PTPRA: variants seen among roughly 807,000 people sequenced by gnomAD.
PTPRA encodes the protein protein tyrosine phosphatase receptor type A.
A neutral mutation model predicts 104.8 loss-of-function variants in PTPRA; 25 were observed. That is an observed-to-expected ratio of 0.24 (90% CI 0.17 to 0.33). The LOEUF is 0.33. PTPRA is among the 10% of genes least tolerant of loss of function. The pLI is 1.00. For synonymous variants in PTPRA, 323 were observed against 368.9 expected, an observed-to-expected ratio of 0.88 and a Z score of 1.43; for missense variants, 765 against 1,015.3, an observed-to-expected ratio of 0.75 and a Z score of 3.35.
chr20:2,973,062 C>A (rs1470517897), intron 5 of PTPRA, among the ~76,000 whole-genome samples: 1 of 151,728 alleles, frequency 6.6e-6, no homozygotes, highest in Non-Finnish European at 1.5e-5. Context: ...AGGAAAAGTT[C>A]TCCCTTGTGA....
chr20:3,002,566 A>T (rs1357318326), intron 9 of PTPRA, among the ~76,000 whole-genome samples: 1 of 152,044 alleles, frequency 6.6e-6, no homozygotes, highest in East Asian at 1.9e-4. Context: ...ACCTCAAATG[A>T]TCCACCCGCC....
At chr20:2,979,435 T>C (rs1348249090) in intron 6 of PTPRA, among the ~76,000 whole-genome samples, 1 of 152,222 alleles carries the variant, frequency 6.6e-6, no homozygotes, top group Non-Finnish European at 1.5e-5. Flanking sequence ...TCATCTCTTA[T>C]TGCTCTGTGT....
intron 14 of PTPRA, 93 bp downstream of exon 14, chr20:3,021,521 T>G: frequency 6.6e-7 from 1 of 1,509,122 alleles, no homozygotes. Context: ...GGTCAGGAGT[T>G]GCTGAGTATG....
chr20:3,021,395 G>C lies in PTPRA; in HGVS notation c.1128G>C (p.Val376=), dbSNP rs774135755. Residue 376 remains valine (V), a synonymous_variant, in exon 14 of 24, where the codon GTG becomes GTC. Transcript: ENST00000399903. ...CTGTAGAGGATGTGACTGTCCTGGTGGACTACACAGTACGGAAGTTCTGCA... is the reference window on the plus strand; with the variant it reads ...CTGTAGAGGATGTGACTGTCCTGGTCGACTACACAGTACGGAAGTTCTGCA... ...RVSVEDVTVL[V]DYTVRKFCIQ... is the part of the protein sequence containing the mutation. 6.2e-7 allele frequency: 1 copy of C among 1,614,072 alleles called. No individual in the cohort carries two copies. Among genetic ancestry groups the C allele is most frequent in the Non-Finnish European group, 8.5e-7 (1 of 1,179,958 alleles).
intron 1 of PTPRA, among the ~76,000 whole-genome samples, chr20:2,905,156 C>T (rs890870808): frequency 6.6e-6 from 1 of 152,116 alleles, no homozygotes; most frequent in African/African-American, 2.4e-5. Context: ...GAATCTAATG[C>T]CTGATGATCT....
chr20:2,979,240 T>C (rs2062569984), intron 6 of PTPRA, among the ~76,000 whole-genome samples: 1 of 152,194 alleles, frequency 6.6e-6, no homozygotes, highest in South Asian at 2.1e-4. Flanking sequence ...TACATCTAGG[T>C]GTAAAGATTT....
intron 2 of PTPRA, among the ~76,000 whole-genome samples, chr20:2,926,575 G>T (rs2060302728): frequency 6.6e-6 from 1 of 151,952 alleles, no homozygotes; most frequent in African/African-American, 2.4e-5. Context: ...ACTGAGTAGG[G>T]GGTTACAATT....
intron 2 of PTPRA, among the ~76,000 whole-genome samples, chr20:2,939,969 G>C (rs563487936): frequency 1.2e-4 from 19 of 152,206 alleles, no homozygotes; most frequent in Admixed American, 5.9e-4. Context: ...AATTAGCCGG[G>C]CATGGTGGGG....
In PTPRA at chr20:2,950,466, G is replaced by A. The variant is rs6138960; in HGVS notation, c.-7+2442G>A. On this transcript the variant is annotated intron_variant, in intron 3 of 23. Coordinates refer to ENST00000399903, the MANE Select transcript of PTPRA (RefSeq NM_001385305.1). The surrounding 1 kb of genome is among the most constrained non-coding windows in gnomAD (Gnocchi z 4.0). ...ATCCTGGCCATCATGGTGAAACCCC[G>A]TCTCTACTAAAAATACAAAAAAAAA... Among the ~76,000 whole-genome samples, 2,325 of 151,476 alleles carry A rather than the reference G, an allele frequency of 0.015. 121 individuals carry two copies. The highest frequency in any genetic ancestry group is 0.09 in the Admixed American group (1,366 of 15,192).
intron 2 of PTPRA, among the ~76,000 whole-genome samples, chr20:2,945,035 T>C (rs1568663865): frequency 6.6e-6 from 1 of 152,210 alleles, no homozygotes; most frequent in Non-Finnish European, 1.5e-5. Context: ...TTACCTTCTC[T>C]TTGGTATTTT....
chr20:2,884,789 C>CT (rs2090276316), intron 1 of PTPRA, among the ~76,000 whole-genome samples: 1 of 148,938 alleles, frequency 6.7e-6, no homozygotes, highest in African/African-American at 2.5e-5. Flanking sequence ...AATGGTAACT[C>CT]TCTGGTTTTT....
At chr20:2,927,043 G>A (rs542373550) in intron 2 of PTPRA, among the ~76,000 whole-genome samples, 18 of 151,306 alleles carry the variant, frequency 1.2e-4, no homozygotes, top group South Asian at 2.1e-4. Context: ...CGCCCGCCTC[G>A]GCCTCCCAAA....
chr20:2,885,118 T>C (rs916715328), intron 1 of PTPRA, among the ~76,000 whole-genome samples: 2 of 152,186 alleles, frequency 1.3e-5, no homozygotes, highest in Non-Finnish European at 2.9e-5. Flanking sequence ...CCACTGACTT[T>C]GTTGAGGAAC....
At chr20:2,961,916 A>T (rs2061769130) in intron 3 of PTPRA, among the ~76,000 whole-genome samples, 1 of 152,068 alleles carries the variant, frequency 6.6e-6, no homozygotes, top group Admixed American at 6.5e-5. Context: ...GACTATATTT[A>T]TGTGGGTCTG....
rs756857453 is a variant in PTPRA, at chr20:3,005,139, C to A, written c.822C>A (p.Ile274=). The change falls in exon 10 of 24, where the codon ATC becomes ATA. Residue 274 remains isoleucine (I), a synonymous_variant. Transcript: ENST00000399903. ...ENKEKNRYVN[I]LPYDHSRVHL... Reference sequence around the variant, plus strand: ...AGGAAAAAAATCGATATGTAAACATCTTGCCTTGTGAGTGTCTTTAGTGTT... The same window carrying A: ...AGGAAAAAAATCGATATGTAAACATATTGCCTTGTGAGTGTCTTTAGTGTT... The A allele has an allele frequency of 1.9e-6, 3 of 1,595,078 alleles. No individual in the cohort carries two copies. The East Asian group carries it at 6.7e-5, about 36-fold the overall frequency.
intron 16 of PTPRA, 148 bp from the exon 17 acceptor site, chr20:3,024,324 C>G: frequency 2.4e-6 from 2 of 851,060 alleles, no homozygotes; most frequent in Non-Finnish European, 3.6e-6. Flanking sequence ...TCCCACTTCA[C>G]TAAATTGGGA....
chr20:2,970,439 A>C lies in PTPRA; in HGVS notation c.416-4776A>C, dbSNP rs554914354. On this transcript the variant is annotated intron_variant, in intron 5 of 23. Transcript: ENST00000399903. ...AGGTGAAAAATAACATCTCAGTGTA[A>C]GTTTAATTTGCATTTTGCTGAGATT... 9.2e-5 allele frequency among the ~76,000 whole-genome samples: 14 copies of C among 152,292 alleles called. No individual in the cohort carries two copies. The South Asian group carries it at 2.9e-3, about 32-fold the overall frequency.
chr20:2,955,549 C>G, intron 3 of PTPRA: 1 of 858,256 alleles, frequency 1.2e-6, no homozygotes, highest in Non-Finnish European at 1.4e-6. Context: ...TTGGACTTCT[C>G]TATCACATTG....
chr20:2,908,065 C>T (rs79171998), intron 1 of PTPRA, among the ~76,000 whole-genome samples: 3,334 of 152,208 alleles, frequency 0.022, 105 homozygotes, highest in African/African-American at 0.064. Context: ...TAGAATATTA[C>T]TTTTCTTGCT....
Sources: gnomAD v4.1 joint callset for allele counts (sites outside exome capture counted in the v4.1 genomes callset) on GRCh38, gnomAD v4.1.1 for gene constraint, Gnocchi (gnomAD v3.1) non-coding constraint, MANE v1.5 for transcripts, NCBI Gene and HGNC (gene_info 2026-07-23, HGNC 2026-07-21) for gene names.